The following COL19A1 variants were observed in gnomAD, a reference collection of about 807,000 sequenced individuals.
COL19A1 encodes collagen alpha-1(XIX) chain.
Under a neutral mutation model 190.2 loss-of-function variants are expected in COL19A1, and 159 were observed. That is an observed-to-expected ratio of 0.84 (90% CI 0.73 to 0.95). The LOEUF (loss-of-function observed/expected upper bound fraction) is 0.95. Among genes scored for constraint, COL19A1 ranks in the 40% least tolerant of loss-of-function variants. The pLI is 0.00. For synonymous variants in COL19A1, 509 were observed against 458.9 expected (o/e 1.11, Z -1.39); for missense variants, 1,418 against 1,431.9 (o/e 0.99, Z 0.16).
intron 3 of COL19A1, 56 bp from the exon 4 acceptor site, chr6:69,900,183 T>C (rs1770080109): frequency 3.4e-6 from 4 of 1,193,160 alleles, no homozygotes; most frequent in Non-Finnish European, 4.7e-6. Context: ...AAATTCTGTT[T>C]AGAAATTAAC....
chr6:69,968,733 T>G (rs926104611), intron 11 of COL19A1, among the ~76,000 whole-genome samples: 1 of 152,206 alleles, frequency 6.6e-6, no homozygotes, highest in African/African-American at 2.4e-5. Flanking sequence ...AGAATTTGAA[T>G]GAGTGGTTGT....
intron 11 of COL19A1, among the ~76,000 whole-genome samples, chr6:70,005,598 G>T (rs1381570583): frequency 2.0e-5 from 3 of 152,266 alleles, no homozygotes; most frequent in Admixed American, 2.0e-4. Context: ...CCTGTATAGG[G>T]TGTCTAACAA....
rs768159135 is a variant in COL19A1 at position 69,960,005 on chromosome 6, G to C, written c.946G>C (p.Gly316Arg). 2.5e-6 allele frequency: 4 copies of C among 1,613,390 alleles called. No homozygotes were observed. The Admixed American group carries it at 5.0e-5, about 20-fold the overall frequency. ...KGHKGEPGEN[G>R]LHGAPGFPGQ... ...TGTGTACTTCTTTTAGGGTGAAAAT[G>C]GTTTACATGGTGCTCCAGGATTCCC... The change falls in exon 10 of 51, where the codon GGT (glycine) becomes CGT (arginine). Residue 316 changes from glycine (G) to arginine (R), a missense_variant. Physicochemically the swap from Gly to Arg is moderately radical, Grantham distance 125. Transcript: ENST00000620364.
intron 15 of COL19A1, among the ~76,000 whole-genome samples, chr6:70,096,570 G>C (rs1479805909): frequency 1.3e-5 from 2 of 152,068 alleles, no homozygotes; most frequent in Non-Finnish European, 2.9e-5. Context: ...AGCACAAAAG[G>C]ATTCTATAAG....
intron 11 of COL19A1, among the ~76,000 whole-genome samples, chr6:70,019,968 A>C (rs1451195083): frequency 1.3e-5 from 2 of 152,112 alleles, no homozygotes; most frequent in Non-Finnish European, 2.9e-5. Context: ...GAATACATAG[A>C]TATCAATACA....
chr6:70,051,158 T>C (rs557952165), intron 14 of COL19A1, among the ~76,000 whole-genome samples: 2 of 152,176 alleles, frequency 1.3e-5, no homozygotes, highest in Non-Finnish European at 2.9e-5. Context: ...TTAATAATAT[T>C]GTTCTTTTCC....
Position 70,209,297 on chromosome 6 carries a change from GATT to G in COL19A1, c.*2027_*2029del, listed in dbSNP as rs902523817. The stretch of plus-strand genomic sequence containing the variant: ...GCTAAATATTTTATATGTTTTCAAA[GATT>G]ATTTTTTCATATTAATAGGTTGTTT... On this transcript the variant is annotated 3_prime_UTR_variant, in exon 51 of 51. Coordinates refer to ENST00000620364, the MANE Select transcript of COL19A1 (RefSeq NM_001858.6). 3 of 152,362 alleles carry G rather than the reference GATT, an allele frequency of 2.0e-5. No individual in the cohort carries two copies. Among genetic ancestry groups the G allele is most frequent in the Admixed American group, 2.0e-4 (3 of 15,246 alleles). The allele number at this position is 152,362 out of a possible 1,614,324, so 9.4% of individuals were successfully genotyped here.
chr6:70,142,128 C>A, intron 22 of COL19A1, 52 bp downstream of exon 22: 1 of 1,526,318 alleles, frequency 6.6e-7, no homozygotes, highest in Non-Finnish European at 9.0e-7. Context: ...GAATTGTAGC[C>A]ATTCTGTGTA....
intron 44 of COL19A1, 60 bp downstream of exon 44, chr6:70,180,583 T>G: frequency 6.5e-7 from 1 of 1,527,302 alleles, no homozygotes; most frequent in Non-Finnish European, 9.1e-7. Context: ...CATTATCTCC[T>G]CATCTACCAC....
chr6:69,903,591 G>T (rs1352558083), intron 4 of COL19A1, among the ~76,000 whole-genome samples: 2 of 152,188 alleles, frequency 1.3e-5, no homozygotes, highest in Non-Finnish European at 2.9e-5. Flanking sequence ...AGTCCGGGGG[G>T]TTGTTATCCA....
At chr6:69,972,643 T>C (rs889385246) in intron 11 of COL19A1, among the ~76,000 whole-genome samples, 3 of 150,188 alleles carry the variant, frequency 2.0e-5, no homozygotes, top group Non-Finnish European at 4.4e-5. Flanking sequence ...TAATTTTACA[T>C]GTATGGCCCT....
chr6:69,883,669 C>T (rs1486032287), intron 2 of COL19A1, among the ~76,000 whole-genome samples: 1 of 152,138 alleles, frequency 6.6e-6, no homozygotes, highest in Non-Finnish European at 1.5e-5. Context: ...TAACAGAACT[C>T]GTTTACATTT....
At chr6:69,896,749 G>A (rs926013795) in intron 2 of COL19A1, among the ~76,000 whole-genome samples, 4 of 152,072 alleles carry the variant, frequency 2.6e-5, no homozygotes, top group Non-Finnish European at 5.9e-5. Flanking sequence ...ATGATGTTGA[G>A]CACCTTCTCA....
In COL19A1 at chr6:69,926,445, A is replaced by G. The variant is rs144553202; in HGVS notation, c.267-1464A>G. Among the ~76,000 whole-genome samples the G allele has an allele frequency of 3.0e-3, 462 of 152,304 alleles. 9 individuals carry two copies. Among genetic ancestry groups the G allele is most frequent in the Admixed American group, 0.027 (406 of 15,256 alleles). ...TCTTACCAAATAGAGAATATCAATA[A>G]GTAGAAATTATTAAGAAGCAGCAAA... On this transcript the variant is annotated intron_variant, in intron 4 of 50. Transcript: ENST00000620364.
chr6:70,171,542 T>C (rs539391338), intron 40 of COL19A1, among the ~76,000 whole-genome samples: 2 of 152,324 alleles, frequency 1.3e-5, no homozygotes, highest in Admixed American at 1.3e-4. Context: ...TGATAAACAC[T>C]GCTTTGAGTG....
chr6:70,087,656 A>G (rs1782664624), intron 15 of COL19A1, among the ~76,000 whole-genome samples: 1 of 152,218 alleles, frequency 6.6e-6, no homozygotes, highest in South Asian at 2.1e-4. Flanking sequence ...CCAAAGCTAT[A>G]GATACTGACT....
intron 17 of COL19A1, among the ~76,000 whole-genome samples, chr6:70,126,188 T>C (rs1785183578): frequency 6.6e-6 from 1 of 151,914 alleles, no homozygotes; most frequent in African/African-American, 2.4e-5. Context: ...CAAAATAATC[T>C]ATTTTTCTTT....
chr6:69,993,992 T>C (rs1371293381), intron 11 of COL19A1, among the ~76,000 whole-genome samples: 2 of 152,096 alleles, frequency 1.3e-5, no homozygotes, highest in African/African-American at 2.4e-5. Flanking sequence ...TGTCTTCTGC[T>C]AGCTTTGGGG....
chr6:70,059,801 A>G (rs757484973), intron 14 of COL19A1: 2 of 527,058 alleles, frequency 3.8e-6, no homozygotes, highest in Admixed American at 4.0e-5. Flanking sequence ...CAGAAAAGTG[A>G]TAAATCTGTA....
Sources: gnomAD v4.1 joint callset for allele counts (sites outside exome capture counted in the v4.1 genomes callset) on GRCh38, gnomAD v4.1.1 for gene constraint, MANE v1.5 for transcripts, NCBI Gene and HGNC (gene_info 2026-07-23, HGNC 2026-07-21) for gene names.